Variants in ARHGAP6 observed in about 807,000 individuals in gnomAD.
The protein encoded by ARHGAP6 is rho GTPase-activating protein 6.
In ARHGAP6, 16 loss-of-function variants were observed where a neutral mutation model predicts 55.7. The observed-to-expected ratio is 0.29, with a 90% confidence interval of 0.19 to 0.44. ARHGAP6 has a LOEUF of 0.44. Ranked by LOEUF, ARHGAP6 falls within the 20% of genes least tolerant of loss-of-function variation. The pLI, the probability that ARHGAP6 is intolerant of heterozygous loss-of-function variation, is 1.00. For missense variants in ARHGAP6, 698 were observed against 808.9 expected, an observed-to-expected ratio of 0.86 and a Z score of 1.66; for synonymous variants, 382 against 360.9, an observed-to-expected ratio of 1.06 and a Z score of -0.66.
At chrX:11,342,997 C>T (rs918970403) in intron 1 of ARHGAP6, among the ~76,000 whole-genome samples, 1 of 111,959 alleles carries the variant, frequency 8.9e-6, no homozygotes, top group Non-Finnish European at 1.9e-5. Flanking sequence ...ATTATTTAGC[C>T]ACTTCTGCCA....
chrX:11,276,859 G>C (rs773785989), intron 1 of ARHGAP6, among the ~76,000 whole-genome samples: 46 of 112,002 alleles, frequency 4.1e-4, no homozygotes, highest in Non-Finnish European at 6.0e-4. Flanking sequence ...ATAAATTATA[G>C]TAAAATAATA....
chrX:11,180,353 A>C (rs1602795101), intron 6 of ARHGAP6, among the ~76,000 whole-genome samples: 1 of 111,098 alleles, frequency 9.0e-6, no homozygotes, highest in Non-Finnish European at 1.9e-5. Context: ...ATTTGTTTTC[A>C]ATCTTTCATC....
chrX:11,467,470 AC>A (rs1358688255), intron 1 of ARHGAP6, among the ~76,000 whole-genome samples: 3 of 111,319 alleles, frequency 2.7e-5, no homozygotes, highest in Non-Finnish European at 3.8e-5. Context: ...AAAATTTCCT[AC>A]CTTAAACTTT....
At chrX:11,617,398 A>G (rs2052178349) in intron 1 of ARHGAP6, among the ~76,000 whole-genome samples, 1 of 111,945 alleles carries the variant, frequency 8.9e-6, no homozygotes, top group South Asian at 3.7e-4. Flanking sequence ...CATATTCATC[A>G]TGCAAAGTAG....
At chrX:11,588,476 A>C (rs1282689431) in intron 1 of ARHGAP6, among the ~76,000 whole-genome samples, 2 of 112,443 alleles carry the variant, frequency 1.8e-5, no homozygotes, top group Non-Finnish European at 3.7e-5. Context: ...ATAAATGTTC[A>C]TAGCAGCATT....
chrX:11,349,434 G>T (rs984831064), intron 1 of ARHGAP6, among the ~76,000 whole-genome samples: 1 of 111,236 alleles, frequency 9.0e-6, no homozygotes, highest in East Asian at 2.8e-4. Context: ...TACCATCAGG[G>T]CAGGGGTTTG....
At chrX:11,377,730 C>T (rs112826321) in intron 1 of ARHGAP6, among the ~76,000 whole-genome samples, 7,085 of 111,287 alleles carry the variant, frequency 0.064, 247 homozygotes, top group Non-Finnish European at 0.1. Flanking sequence ...TCGTTGCCAA[C>T]ATTCAAATGA....
At chrX:11,296,952 C>A in intron 1 of ARHGAP6, 1 of 938,188 alleles carries the variant, frequency 1.1e-6, no homozygotes, top group Non-Finnish European at 1.5e-6. Flanking sequence ...ACAGTTCCTA[C>A]CACCAGCTTC....
intron 1 of ARHGAP6, among the ~76,000 whole-genome samples, chrX:11,381,343 A>G (rs2049260927): frequency 8.9e-6 from 1 of 112,493 alleles, no homozygotes; most frequent in Admixed American, 9.4e-5. Context: ...GAAGCTTAAA[A>G]TCTAGTTCCA....
At chrX:11,240,580 G>A (rs1278233777) in intron 2 of ARHGAP6, among the ~76,000 whole-genome samples, 1 of 111,539 alleles carries the variant, frequency 9.0e-6, no homozygotes, top group Non-Finnish European at 1.9e-5. Context: ...ATAGTTATCT[G>A]TTTAAATGTC....
At chrX:11,636,878 C>T (rs1008894772) in intron 1 of ARHGAP6, among the ~76,000 whole-genome samples, 1 of 111,169 alleles carries the variant, frequency 9.0e-6, no homozygotes. Context: ...CACTGGTAAC[C>T]ATAAAATATG....
At chrX:11,454,643 T>C (rs1199821541) in intron 1 of ARHGAP6, among the ~76,000 whole-genome samples, 1 of 111,914 alleles carries the variant, frequency 8.9e-6, no homozygotes, top group African/African-American at 3.2e-5. Context: ...CATTTACTGA[T>C]TGGACAGCCA....
In ARHGAP6 at chrX:11,277,451, G is replaced by A. The variant is rs540482248; in HGVS notation, c.589-22744C>T. On this transcript the variant is annotated intron_variant, in intron 1 of 12. Coordinates refer to ENST00000337414, the MANE Select transcript of ARHGAP6 (RefSeq NM_013427.3). ...GTAGCCAAAAACAAAAAAAAAAAAC[G>A]TAGACAACATGACTCCAAATAGCAA... is the stretch of plus-strand genomic sequence containing the variant. Among the ~76,000 whole-genome samples, 7 of 111,177 alleles carry A rather than the reference G, an allele frequency of 6.3e-5. No individual in the cohort carries two copies. The South Asian group carries it at 1.1e-3, about 18-fold the overall frequency.
intron 1 of ARHGAP6, among the ~76,000 whole-genome samples, chrX:11,338,844 A>G (rs1434606982): frequency 8.9e-6 from 1 of 111,963 alleles, no homozygotes; most frequent in Non-Finnish European, 1.9e-5. Flanking sequence ...GCCATTCATT[A>G]CCTTTGCCAT....
In ARHGAP6 at chrX:11,275,591, A is replaced by G. The variant is rs1026126348; in HGVS notation, c.589-20884T>C. On this transcript the variant is annotated intron_variant, in intron 1 of 12. Transcript: ENST00000337414. Reference sequence around the variant, plus strand: ...ACACTCTTGTAGGCTGTCTCTCCCTACAAAGCAAAACTCATCTTGTCCCTT... The same window carrying G: ...ACACTCTTGTAGGCTGTCTCTCCCTGCAAAGCAAAACTCATCTTGTCCCTT... 3.6e-5 allele frequency among the ~76,000 whole-genome samples: 4 copies of G among 111,382 alleles called. No homozygotes were observed. The Admixed American group carries it at 3.8e-4, about 11-fold the overall frequency.
chrX:11,360,446 A>G (rs916304724), intron 1 of ARHGAP6, among the ~76,000 whole-genome samples: 1 of 109,648 alleles, frequency 9.1e-6, no homozygotes, highest in African/African-American at 3.4e-5. Flanking sequence ...GCCTTTGACA[A>G]AATTCAACAA....
At chrX:11,583,720 C>A (rs923072547) in intron 1 of ARHGAP6, among the ~76,000 whole-genome samples, 1 of 111,078 alleles carries the variant, frequency 9.0e-6, no homozygotes, top group Non-Finnish European at 1.9e-5. Flanking sequence ...GGAGGTTCAA[C>A]TTTAGGAAAA....
chrX:11,211,915 G>A (rs2046808591), intron 2 of ARHGAP6, among the ~76,000 whole-genome samples: 1 of 111,468 alleles, frequency 9.0e-6, no homozygotes, highest in Non-Finnish European at 1.9e-5. Context: ...TCTTATAAAT[G>A]TAAGAAATAG....
At chrX:11,457,469 C>G (rs1207287634) in intron 1 of ARHGAP6, among the ~76,000 whole-genome samples, 1 of 111,564 alleles carries the variant, frequency 9.0e-6, no homozygotes, top group South Asian at 3.8e-4. Context: ...ACCTGCCCTT[C>G]TCTCTAGAGG....
Sources: allele counts gnomAD v4.1 joint callset (sites outside exome capture counted in the v4.1 genomes callset), GRCh38; gene constraint gnomAD v4.1.1; transcripts MANE v1.5; gene names NCBI Gene and HGNC (gene_info 2026-07-23, HGNC 2026-07-21).